JPH2: variants seen among roughly 807,000 people sequenced by gnomAD.
The protein encoded by JPH2 is junctophilin 2.
JPH2 carries 38 observed loss-of-function variants against 55.9 expected under a neutral mutation model. The observed-to-expected ratio is 0.68, with a 90% CI of 0.52 to 0.89. The LOEUF (loss-of-function observed/expected upper bound fraction) is 0.89, where lower values mean the gene tolerates loss of function less well. JPH2 is among the 40% of genes least tolerant of loss of function. JPH2 has a pLI of 0.00. For synonymous variants in JPH2, 480 were observed against 472.4 expected (o/e 1.02, Z -0.21); for missense variants, 964 against 1,037.6 (o/e 0.93, Z 0.97).
chr20:44,139,948 T>G (rs1367318559), intron 2 of JPH2, among the ~76,000 whole-genome samples: 1 of 152,198 alleles, frequency 6.6e-6, no homozygotes. Flanking sequence ...CTTGGCTCAC[T>G]GCAACCTCTG....
intron 1 of JPH2, among the ~76,000 whole-genome samples, chr20:44,168,056 C>CTG (rs1317590487): frequency 6.6e-6 from 1 of 152,142 alleles, no homozygotes; most frequent in African/African-American, 2.4e-5. Context: ...ATTAAATAAA[C>CTG]TGTGTGTGAG....
intron 1 of JPH2, among the ~76,000 whole-genome samples, chr20:44,165,967 C>T (rs1462118784): frequency 6.6e-6 from 1 of 152,028 alleles, no homozygotes; most frequent in Non-Finnish European, 1.5e-5. Context: ...TTTGCTTTTT[C>T]TTGTGTTATT....
intron 1 of JPH2, among the ~76,000 whole-genome samples, chr20:44,182,605 G>A (rs974332447): frequency 1.3e-5 from 2 of 152,200 alleles, no homozygotes; most frequent in East Asian, 1.9e-4. Flanking sequence ...CTGCCTCGGG[G>A]CCTTTGCAAC....
chr20:44,184,919 T>C (rs887649194), intron 1 of JPH2, among the ~76,000 whole-genome samples: 1 of 152,246 alleles, frequency 6.6e-6, no homozygotes. Flanking sequence ...TAACTGTTTG[T>C]CTGCATGCCT....
rs941404149 is a variant in JPH2, at chr20:44,159,596, C to T, written c.1169+22G>A. The T allele has an allele frequency of 1.3e-6, 2 of 1,592,270 alleles. No homozygotes were observed. Among genetic ancestry groups the T allele is most frequent in the Non-Finnish European group, 8.5e-7 (1 of 1,176,114 alleles). On this transcript the variant is annotated intron_variant, in intron 2 of 5. Coordinates refer to ENST00000372980, the MANE Select transcript of JPH2 (RefSeq NM_020433.5). The surrounding 1 kb of genome is among the most constrained non-coding windows in gnomAD (Gnocchi z 5.7). The stretch of plus-strand genomic sequence containing the variant: ...CTTCTCCGAGGGGAGGCGACCCCTT[C>T]CCACCCCCACCGCTGTCCTACCTGG...
chr20:44,130,448 G>A (rs530837510), intron 2 of JPH2, among the ~76,000 whole-genome samples: 1 of 152,370 alleles, frequency 6.6e-6, no homozygotes, highest in South Asian at 2.1e-4. Flanking sequence ...AAGAAAGTCT[G>A]GTTCTCTGGG....
chr20:44,140,613 CG>C (rs1293488609), intron 2 of JPH2, among the ~76,000 whole-genome samples: 1 of 152,060 alleles, frequency 6.6e-6, no homozygotes, highest in East Asian at 1.9e-4. Context: ...GCATTCCCAC[CG>C]CTGCCCCTCC....
intron 1 of JPH2, among the ~76,000 whole-genome samples, chr20:44,185,669 A>AGACGGATG (rs2072830790): frequency 6.8e-6 from 1 of 147,970 alleles, no homozygotes; most frequent in South Asian, 2.2e-4. Flanking sequence ...GATGGATCAT[A>AGACGGATG]GATGGATGGA....
intron 2 of JPH2, among the ~76,000 whole-genome samples, chr20:44,120,875 G>T (rs1430912684): frequency 2.6e-5 from 4 of 152,238 alleles, no homozygotes; most frequent in Admixed American, 2.0e-4. Context: ...TATACCAGTA[G>T]CTGAGCATGT....
intron 2 of JPH2, among the ~76,000 whole-genome samples, chr20:44,152,372 A>G (rs1029425261): frequency 4.6e-5 from 7 of 152,136 alleles, no homozygotes; most frequent in African/African-American, 1.7e-4. Context: ...TGTTTTGAGG[A>G]TTAAGTAAAT....
At chr20:44,178,250 C>G (rs1292445715) in intron 1 of JPH2, among the ~76,000 whole-genome samples, 1 of 152,100 alleles carries the variant, frequency 6.6e-6, no homozygotes, top group Non-Finnish European at 1.5e-5. Context: ...ATTAACTGAG[C>G]AAGGTAAAAG....
At chr20:44,121,753 G>T (rs567626816) in intron 2 of JPH2, among the ~76,000 whole-genome samples, 1 of 152,084 alleles carries the variant, frequency 6.6e-6, no homozygotes, top group Non-Finnish European at 1.5e-5. Flanking sequence ...TTGGGAGGCT[G>T]AGGCAGGAAG....
intron 2 of JPH2, among the ~76,000 whole-genome samples, chr20:44,158,113 T>C (rs1010191877): frequency 5.3e-5 from 8 of 152,162 alleles, no homozygotes; most frequent in African/African-American, 1.9e-4. Flanking sequence ...ATTTAAGTGG[T>C]GGGTTAAAAA....
chr20:44,140,742 A>G (rs1257750780), intron 2 of JPH2, among the ~76,000 whole-genome samples: 1 of 152,182 alleles, frequency 6.6e-6, no homozygotes, highest in Non-Finnish European at 1.5e-5. Flanking sequence ...CTCACCCTTC[A>G]ATAACACCAA....
chr20:44,176,938 A>G (rs1330616519), intron 1 of JPH2: 2 of 985,336 alleles, frequency 2.0e-6, no homozygotes, highest in East Asian at 2.3e-4. Context: ...CTCCAGCTCT[A>G]CCCCATCCAC....
chr20:44,117,390 C>CT (rs2072201173), intron 3 of JPH2, among the ~76,000 whole-genome samples: 1 of 152,224 alleles, frequency 6.6e-6, no homozygotes, highest in Admixed American at 6.5e-5. Flanking sequence ...GGAGGTCCTC[C>CT]TTACTCTGCA....
At position 44,165,201 on chromosome 20, in the gene JPH2, A is replaced by G. The variant is rs888385922; in HGVS notation, c.380-4794T>C. On this transcript the variant is annotated intron_variant, in intron 1 of 5. Transcript: ENST00000372980. Reference sequence around the variant, plus strand: ...GCGTGTACATCTGTCACACCTGTACATTTCAAATGCATTTTATCATATGGA... The same window carrying G: ...GCGTGTACATCTGTCACACCTGTACGTTTCAAATGCATTTTATCATATGGA... 4.6e-5 allele frequency among the ~76,000 whole-genome samples: 7 copies of G among 151,986 alleles called. No homozygotes were observed. In the East Asian group the frequency reaches 1.4e-3, roughly 29 times the overall value.
intron 4 of JPH2, among the ~76,000 whole-genome samples, 197 bp from the exon 5 acceptor site, chr20:44,115,073 T>A (rs1208821224): frequency 6.6e-6 from 1 of 151,854 alleles, no homozygotes; most frequent in African/African-American, 2.4e-5. Context: ...AATAACCAAA[T>A]CCCTCAGGAC....
At chr20:44,166,914 C>A (rs914345588) in intron 1 of JPH2, among the ~76,000 whole-genome samples, 3 of 152,162 alleles carry the variant, frequency 2.0e-5, no homozygotes, top group African/African-American at 7.2e-5. Context: ...GGGGGAGATC[C>A]CCAACAGCCC....
Sources: gnomAD v4.1 joint callset for allele counts (sites outside exome capture counted in the v4.1 genomes callset) on GRCh38, gnomAD v4.1.1 for gene constraint, Gnocchi (gnomAD v3.1) non-coding constraint, MANE v1.5 for transcripts, NCBI Gene and HGNC (gene_info 2026-07-23, HGNC 2026-07-21) for gene names.